The following GPR137C variants were observed in gnomAD, a reference collection of about 807,000 sequenced individuals.
GPR137C encodes G protein-coupled receptor 137C.
Under a neutral mutation model 43.4 loss-of-function variants are expected in GPR137C, and 27 were observed. That is an observed-to-expected ratio of 0.62 (90% CI 0.46 to 0.86). The LOEUF is 0.86. GPR137C is among the 40% of genes least tolerant of loss of function. The pLI is 0.00. For missense variants in GPR137C, 522 were observed against 534.6 expected (o/e 0.98, Z 0.23); for synonymous variants, 285 against 226.9 (o/e 1.26, Z -2.30).
chr14:52,629,681 G>A (rs994908141), intron 3 of GPR137C, among the ~76,000 whole-genome samples: 2 of 152,186 alleles, frequency 1.3e-5, no homozygotes, highest in African/African-American at 4.8e-5. Flanking sequence ...TTGTGTTTTG[G>A]GTTTGGTTGA....
At chr14:52,564,628 A>AT (rs1360681918) in intron 1 of GPR137C, among the ~76,000 whole-genome samples, 2 of 152,110 alleles carry the variant, frequency 1.3e-5, no homozygotes, top group African/African-American at 4.8e-5. Flanking sequence ...GAGGAGCATT[A>AT]TGCTGCTCTT....
At chr14:52,554,203 C>T (rs2038154087) in intron 1 of GPR137C, among the ~76,000 whole-genome samples, 1 of 152,196 alleles carries the variant, frequency 6.6e-6, no homozygotes, top group Admixed American at 6.5e-5. Context: ...AGGATAAGGA[C>T]CTCCATAAAG....
chr14:52,614,559 C>G (rs909695194), intron 3 of GPR137C, among the ~76,000 whole-genome samples: 2 of 152,200 alleles, frequency 1.3e-5, no homozygotes, highest in African/African-American at 4.8e-5. Context: ...GCAATCACAG[C>G]TCACTGCAGC....
At chr14:52,577,516 G>GCA (rs3064748) in intron 1 of GPR137C, among the ~76,000 whole-genome samples, 12,763 of 145,434 alleles carry the variant, frequency 0.088, 597 homozygotes, top group Middle Eastern at 0.15. Context: ...GCGCGCGCGC[G>GCA]CACACACACA....
chr14:52,627,677 C>G (rs1269173081), intron 3 of GPR137C, among the ~76,000 whole-genome samples: 2 of 152,050 alleles, frequency 1.3e-5, no homozygotes, highest in Admixed American at 1.3e-4. Context: ...AACCCCATCT[C>G]TACTAAAAAT....
At chr14:52,599,131 G>C (rs1055576963) in intron 2 of GPR137C, among the ~76,000 whole-genome samples, 1 of 152,118 alleles carries the variant, frequency 6.6e-6, no homozygotes, top group African/African-American at 2.4e-5. Flanking sequence ...CTGGGATTAC[G>C]TTCGTGCAGA....
At chr14:52,591,903 C>T (rs934742130) in intron 1 of GPR137C, among the ~76,000 whole-genome samples, 1 of 152,154 alleles carries the variant, frequency 6.6e-6, no homozygotes, top group African/African-American at 2.4e-5. Flanking sequence ...TTTGCCCATG[C>T]CTACGTCCTG....
chr14:52,608,079 T>G (rs2039001237), intron 3 of GPR137C, among the ~76,000 whole-genome samples: 1 of 152,188 alleles, frequency 6.6e-6, no homozygotes, highest in Admixed American at 6.5e-5. Context: ...CTCTGTATCT[T>G]TTAATTAGAC....
chr14:52,598,614 A>G (rs1002018035), intron 2 of GPR137C, among the ~76,000 whole-genome samples: 1 of 152,082 alleles, frequency 6.6e-6, no homozygotes, highest in Non-Finnish European at 1.5e-5. Context: ...CATAGGGTCC[A>G]CTTTTGCCAA....
chr14:52,586,013 A>G (rs1314700221), intron 1 of GPR137C, among the ~76,000 whole-genome samples: 1 of 152,208 alleles, frequency 6.6e-6, no homozygotes, highest in African/African-American at 2.4e-5. Context: ...GGGGAATGCT[A>G]CAGGAGAGAA....
In GPR137C at chr14:52,627,324, T is replaced by A. The variant is rs146790195; in HGVS notation, c.718-4836T>A. Among the ~76,000 whole-genome samples the A allele has an allele frequency of 5.5e-3, 843 of 152,230 alleles. 6 individuals carry two copies. The highest frequency in any genetic ancestry group is 0.019 in the African/African-American group (799 of 41,514). On this transcript the variant is annotated intron_variant, in intron 3 of 6. Transcript: ENST00000321662. ...AGGAGGATCCCTTGAGCCCAGGAAG[T>A]CAAGGCTGCAGTGAGCTTTGATCAC...
At chr14:52,608,656 G>A (rs1297522348) in intron 3 of GPR137C, among the ~76,000 whole-genome samples, 1 of 151,708 alleles carries the variant, frequency 6.6e-6, no homozygotes, top group Non-Finnish European at 1.5e-5. Flanking sequence ...TTTTGTTTGT[G>A]AAAGTCTCTC....
At chr14:52,575,967 GTGT>G (rs2038544600) in intron 1 of GPR137C, among the ~76,000 whole-genome samples, 1 of 152,172 alleles carries the variant, frequency 6.6e-6, no homozygotes, top group Non-Finnish European at 1.5e-5. Context: ...CACATGAGCT[GTGT>G]TGTTCGGGGT....
chr14:52,599,085 A>G (rs953796161), intron 2 of GPR137C, among the ~76,000 whole-genome samples: 1 of 152,162 alleles, frequency 6.6e-6, no homozygotes, highest in Non-Finnish European at 1.5e-5. Flanking sequence ...TTTCAGCATC[A>G]TATGTATTTA....
intron 6 of GPR137C, 66 bp downstream of exon 6, chr14:52,634,012 C>A: frequency 1.1e-6 from 1 of 948,742 alleles, no homozygotes; most frequent in Non-Finnish European, 1.7e-6. Flanking sequence ...CAAATCTAAG[C>A]TTTAACCAAA....
chr14:52,577,598 CAAAAGAA>C (rs748676447), intron 1 of GPR137C, among the ~76,000 whole-genome samples: 9 of 151,112 alleles, frequency 6.0e-5, no homozygotes, highest in African/African-American at 1.5e-4. Flanking sequence ...GGTAGGCAAA[CAAAAGAA>C]GAGAGAGGAT....
intron 1 of GPR137C, among the ~76,000 whole-genome samples, chr14:52,594,727 G>T (rs1279229431): frequency 6.6e-6 from 1 of 151,968 alleles, no homozygotes; most frequent in Non-Finnish European, 1.5e-5. Flanking sequence ...ACATGAGATG[G>T]GTCTCCTGAA....
At chr14:52,576,988 G>C (rs1223436041) in intron 1 of GPR137C, among the ~76,000 whole-genome samples, 1 of 151,888 alleles carries the variant, frequency 6.6e-6, no homozygotes, top group Non-Finnish European at 1.5e-5. Context: ...TCAGGAGTTC[G>C]AGACCAGCCT....
intron 3 of GPR137C, among the ~76,000 whole-genome samples, chr14:52,604,363 G>T (rs150593235): frequency 1.2e-4 from 18 of 151,996 alleles, no homozygotes; most frequent in African/African-American, 4.3e-4. Flanking sequence ...CATTTCCCCA[G>T]TGTTTTCTTC....
Sources: allele counts gnomAD v4.1 joint callset (sites outside exome capture counted in the v4.1 genomes callset), GRCh38; gene constraint gnomAD v4.1.1; transcripts MANE v1.5; gene names NCBI Gene and HGNC (gene_info 2026-07-23, HGNC 2026-07-21).